Variants in PTK2 observed in about 807,000 individuals in gnomAD.
PTK2 encodes the protein protein tyrosine kinase 2.
Under a neutral mutation model 150.1 loss-of-function variants are expected in PTK2, and 45 were observed. That is an observed-to-expected ratio of 0.30 (90% CI 0.24 to 0.38). The LOEUF (loss-of-function observed/expected upper bound fraction) is 0.38. Among genes scored for constraint, PTK2 ranks in the 10% least tolerant of loss-of-function variants. The pLI is 1.00. For synonymous variants in PTK2, 432 were observed against 449.2 expected (o/e 0.96, Z 0.48); for missense variants, 919 against 1,307.3 (o/e 0.70, Z 4.58).
intron 31 of PTK2, chr8:140,660,520 T>C (rs1490795296): frequency 4.6e-6 from 2 of 434,914 alleles, no homozygotes; most frequent in Non-Finnish European, 9.2e-6. Context: ...GCTCAAAAGT[T>C]TGAGGCCAGC....
chr8:140,717,760 C>T (rs746840176), intron 22 of PTK2, 51 bp from the exon 26 acceptor site: 3 of 1,420,692 alleles, frequency 2.1e-6, no homozygotes, highest in South Asian at 1.1e-5. Flanking sequence ...AGAGTTAGCA[C>T]ACACTAGACC....
intron 4 of PTK2, among the ~76,000 whole-genome samples, chr8:140,875,908 C>T (rs1458145453): frequency 6.6e-6 from 1 of 152,082 alleles, no homozygotes; most frequent in Non-Finnish European, 1.5e-5. Context: ...GAAGGAAAAC[C>T]AAAGCAGTTT....
rs2100078095 is a variant in PTK2, at chr8:140,775,850, G to A, written c.1178-11560C>T. On this transcript the variant is annotated intron_variant, in intron 14 of 31. Transcript: ENST00000522684. ...AAATACAACTTTCTGACATTTAGCTGCTTATTTTGAAATCCTCTGTCAGAG... is the reference window on the plus strand; with the variant it reads ...AAATACAACTTTCTGACATTTAGCTACTTATTTTGAAATCCTCTGTCAGAG... Among the ~76,000 whole-genome samples the A allele has an allele frequency of 2.0e-5, 3 of 152,114 alleles. No homozygotes were observed. The South Asian group carries it at 6.2e-4, about 32-fold the overall frequency.
intron 14 of PTK2, 104 bp from the exon 17 acceptor site, chr8:140,764,394 C>A (rs547039205): frequency 2.3e-6 from 2 of 851,304 alleles, no homozygotes; most frequent in South Asian, 1.5e-5. Flanking sequence ...TCCTCTACTA[C>A]GCTGAAATAT....
At chr8:140,804,968 C>A (rs2154597199) in intron 10 of PTK2, among the ~76,000 whole-genome samples, 3 of 152,262 alleles carry the variant, frequency 2.0e-5, no homozygotes, top group Middle Eastern at 6.8e-3. Flanking sequence ...CTCTCTTTCC[C>A]AGTTCTTTTT....
chr8:140,688,553 A>C (rs1378625480), intron 26 of PTK2, among the ~76,000 whole-genome samples: 1 of 151,828 alleles, frequency 6.6e-6, no homozygotes. Flanking sequence ...CATCTCTACA[A>C]AGAAAAAAAT....
intron 22 of PTK2, chr8:140,734,746 G>A (rs1426978431): frequency 3.9e-6 from 2 of 518,358 alleles, no homozygotes; most frequent in Non-Finnish European, 7.7e-6. Context: ...GGGTTGATTA[G>A]GAAGCCTTCC....
chr8:140,791,010 G>C (rs1211222536), intron 13 of PTK2, among the ~76,000 whole-genome samples: 1 of 152,202 alleles, frequency 6.6e-6, no homozygotes, highest in Non-Finnish European at 1.5e-5. Flanking sequence ...GCTCTTATCT[G>C]ATCAACAGCA....
chr8:140,748,496 CAAAAAAAAAA>C (rs61423469), intron 17 of PTK2, among the ~76,000 whole-genome samples: 1 of 111,590 alleles, frequency 9.0e-6, no homozygotes, highest in African/African-American at 3.3e-5. Context: ...GACTCTGTCT[CAAAAAAAAAA>C]AAAAAAAAAA....
chr8:140,695,658 T>C (rs1285993636), intron 26 of PTK2, among the ~76,000 whole-genome samples: 1 of 152,244 alleles, frequency 6.6e-6, no homozygotes, highest in East Asian at 1.9e-4. Flanking sequence ...CGCCTCAGCC[T>C]CCCAAAGTAC....
Position 140,762,401 on chromosome 8 carries a change from T to A in PTK2, c.1235-1139A>T. ...ATTCCATAGCTTTCTGTATTGCAAT[T>A]AAGAGAGAAAAAAATTGAAGACCTT... On this transcript the variant is annotated intron_variant, in intron 15 of 31. Coordinates refer to ENST00000522684, the Ensembl canonical transcript of PTK2. 8.8e-7 allele frequency: 1 copy of A among 1,141,214 alleles called. No individual in the cohort carries two copies. Among genetic ancestry groups the A allele is most frequent in the Admixed American group, 4.3e-5 (1 of 23,178 alleles). The allele number at this position is 1,141,214 out of a possible 1,614,324, so 70.7% of individuals were successfully genotyped here. A position where few individuals can be genotyped will look rare whatever the true frequency, so the allele number is the denominator to read the frequency against.
At chr8:140,923,238 C>T (rs1032687476) in intron 2 of PTK2, among the ~76,000 whole-genome samples, 10 of 152,162 alleles carry the variant, frequency 6.6e-5, no homozygotes, top group African/African-American at 2.4e-4. Flanking sequence ...CAGATTGAAA[C>T]AGCAGCTATG....
chr8:140,674,267 C>T, intron 29 of PTK2, 31 bp downstream of exon 32: 1 of 1,559,808 alleles, frequency 6.4e-7, no homozygotes, highest in South Asian at 1.1e-5. Context: ...ATCCTGCAAG[C>T]AGAAGGTGCT....
chr8:140,895,522 C>T (rs548480226), intron 2 of PTK2, among the ~76,000 whole-genome samples: 3,274 of 93,262 alleles, frequency 0.035, 63 homozygotes, highest in Non-Finnish European at 0.061. Context: ...ACCCTGTCTC[C>T]TTTAAAAAAA....
chr8:140,749,443 C>T (rs944551771), intron 17 of PTK2, among the ~76,000 whole-genome samples: 1 of 152,222 alleles, frequency 6.6e-6, no homozygotes, highest in African/African-American at 2.4e-5. Context: ...CTAAGAGAGT[C>T]TTGTGGCCAC....
intron 19 of PTK2, among the ~76,000 whole-genome samples, chr8:140,743,779 T>C (rs928518167): frequency 1.3e-5 from 2 of 150,986 alleles, no homozygotes; most frequent in African/African-American, 2.4e-5. Context: ...GTTTTTCTTT[T>C]CTTTTTTTTT....
chr8:140,962,880 C>T (rs56397100), intron 1 of PTK2, among the ~76,000 whole-genome samples: 2 of 151,802 alleles, frequency 1.3e-5, no homozygotes, highest in Admixed American at 6.6e-5. Context: ...AGGTCCCCCC[C>T]CCCAACCCAA....
intron 5 of PTK2, among the ~76,000 whole-genome samples, chr8:140,862,909 A>G (rs1032757985): frequency 2.0e-5 from 3 of 152,082 alleles, no homozygotes; most frequent in Non-Finnish European, 2.9e-5. Flanking sequence ...TGGTGCCAAA[A>G]AGGTGTTAGG....
intron 8 of PTK2, among the ~76,000 whole-genome samples, chr8:140,824,187 G>A (rs1168547334): frequency 1.3e-5 from 2 of 152,162 alleles, no homozygotes; most frequent in African/African-American, 4.8e-5. Context: ...TAATCTGCTG[G>A]AAAATTTCCA....
Sources: allele counts gnomAD v4.1 joint callset (sites outside exome capture counted in the v4.1 genomes callset), GRCh38; gene constraint gnomAD v4.1.1; transcripts MANE v1.5; gene names NCBI Gene and HGNC (gene_info 2026-07-23, HGNC 2026-07-21).